SEC24D: variants seen among roughly 807,000 people sequenced by gnomAD.
SEC24D encodes the protein SEC24 homolog D, COPII component.
Under a neutral mutation model 116.9 loss-of-function variants are expected in SEC24D, and 69 were observed. The observed-to-expected ratio is 0.59, with a 90% CI of 0.49 to 0.72. SEC24D has a LOEUF of 0.72. Among genes scored for constraint, SEC24D ranks in the 30% least tolerant of loss-of-function variants. The probability of loss-of-function intolerance (pLI) is 0.00; values close to 1 mark genes in which losing one functional copy is unlikely to be tolerated. For synonymous variants in SEC24D, 405 were observed against 442.8 expected (o/e 0.91, Z 1.07); for missense variants, 1,131 against 1,264.1 (o/e 0.89, Z 1.60).
intron 8 of SEC24D, among the ~76,000 whole-genome samples, chr4:118,790,413 T>A (rs1438691930): frequency 3.3e-5 from 5 of 152,204 alleles, no homozygotes; most frequent in African/African-American, 1.2e-4. Flanking sequence ...TAATCTTCAA[T>A]CCTTTTGCAC....
chr4:118,760,147 T>C (rs1421538115), intron 10 of SEC24D, among the ~76,000 whole-genome samples: 1 of 152,206 alleles, frequency 6.6e-6, no homozygotes, highest in East Asian at 1.9e-4. Context: ...TCTCTCTTTT[T>C]CTATTATTTT....
chr4:118,802,252 G>A (rs1330255038), intron 7 of SEC24D, among the ~76,000 whole-genome samples: 2 of 152,162 alleles, frequency 1.3e-5, no homozygotes, highest in African/African-American at 4.8e-5. Flanking sequence ...ATAAGATCCT[G>A]GAGCCAAAGG....
At chr4:118,727,267 C>CT (rs1282463915) in intron 22 of SEC24D, among the ~76,000 whole-genome samples, 2 of 152,182 alleles carry the variant, frequency 1.3e-5, no homozygotes. Context: ...AAATCTGATT[C>CT]TTTAAGTATT....
intron 8 of SEC24D, chr4:118,769,967 C>G (rs1275682203): frequency 6.6e-6 from 1 of 152,162 alleles, no homozygotes; most frequent in African/African-American, 2.4e-5. Flanking sequence ...CAAAACCACT[C>G]AGCTCAGGAC....
intron 2 of SEC24D, among the ~76,000 whole-genome samples, chr4:118,830,923 G>A (rs971758579): frequency 5.9e-5 from 9 of 152,130 alleles, no homozygotes; most frequent in Admixed American, 1.3e-4. Context: ...AGAGTGACAG[G>A]AGAATGGAAA....
intron 10 of SEC24D, among the ~76,000 whole-genome samples, chr4:118,762,899 T>A (rs1727457650): frequency 6.6e-6 from 1 of 152,304 alleles, no homozygotes; most frequent in South Asian, 2.1e-4. Flanking sequence ...GAAACAGATT[T>A]GACTCTCTGC....
rs1165077788 is a variant in SEC24D, at chr4:118,723,503, G to A, written c.*12C>T. ...CCTTGGAAATGCAACATCAATGACAGAGAAGTTTCAATTAATTAAGCAGCT... is the reference window on the plus strand; with the variant it reads ...CCTTGGAAATGCAACATCAATGACAAAGAAGTTTCAATTAATTAAGCAGCT... On this transcript the variant is annotated 3_prime_UTR_variant, in exon 23 of 23. Coordinates refer to ENST00000280551, the MANE Select transcript of SEC24D (RefSeq NM_014822.4). The A allele has an allele frequency of 6.2e-7, 1 of 1,605,642 alleles. No homozygotes were observed.
chr4:118,728,003 T>C (rs1725495240), intron 22 of SEC24D, among the ~76,000 whole-genome samples: 1 of 152,086 alleles, frequency 6.6e-6, no homozygotes, highest in Non-Finnish European at 1.5e-5. Context: ...TCATCATCTA[T>C]ACATTCTAGA....
intron 14 of SEC24D, among the ~76,000 whole-genome samples, 175 bp from the exon 15 acceptor site, chr4:118,744,333 C>T (rs1214279266): frequency 1.3e-5 from 2 of 152,150 alleles, no homozygotes; most frequent in East Asian, 1.9e-4. Flanking sequence ...GCAGTGGCCA[C>T]CTGCTGAGCA....
intron 2 of SEC24D, among the ~76,000 whole-genome samples, chr4:118,831,874 A>G (rs1411583077): frequency 1.3e-5 from 2 of 152,200 alleles, no homozygotes; most frequent in Non-Finnish European, 2.9e-5. Flanking sequence ...CTTAAGAGTC[A>G]TGTAGAAGAA....
At chr4:118,751,248 G>C (rs1188017220) in intron 13 of SEC24D, among the ~76,000 whole-genome samples, 1 of 138,830 alleles carries the variant, frequency 7.2e-6, no homozygotes, top group Admixed American at 7.8e-5. Flanking sequence ...GCACCATCTT[G>C]GCTCACCACA....
At chr4:118,761,835 T>A (rs977245230) in intron 10 of SEC24D, among the ~76,000 whole-genome samples, 2 of 152,216 alleles carry the variant, frequency 1.3e-5, no homozygotes, top group South Asian at 2.1e-4. Context: ...AGCTCAAATG[T>A]CACTTCCTCT....
At chr4:118,820,925 C>T (rs1470282738) in intron 3 of SEC24D, among the ~76,000 whole-genome samples, 1 of 152,032 alleles carries the variant, frequency 6.6e-6, no homozygotes, top group Non-Finnish European at 1.5e-5. Flanking sequence ...AAAATTTAGC[C>T]TCAATTTAAT....
At chr4:118,792,201 G>A (rs1484936789) in intron 8 of SEC24D, among the ~76,000 whole-genome samples, 1 of 150,608 alleles carries the variant, frequency 6.6e-6, no homozygotes, top group Non-Finnish European at 1.5e-5. Context: ...GGTGAGGAGC[G>A]TCTCTGACCG....
At chr4:118,825,815 C>T (rs2110536890) in intron 2 of SEC24D, among the ~76,000 whole-genome samples, 1 of 152,314 alleles carries the variant, frequency 6.6e-6, no homozygotes, top group East Asian at 1.9e-4. Context: ...TAGCTGCCTG[C>T]TGTGCACTCC....
In SEC24D at chr4:118,836,090, C is replaced by T. The variant is rs1731086392; in HGVS notation, c.-191G>A. On this transcript the variant is annotated 5_prime_UTR_variant, in exon 1 of 23. Coordinates refer to ENST00000280551, the MANE Select transcript of SEC24D (RefSeq NM_014822.4). The stretch of plus-strand genomic sequence containing the variant: ...CGTCCCCTTAGCCTGGACTCACGCT[C>T]GGAGTTGCAGCTGGGCTGGGAACTG... 1.3e-5 allele frequency: 2 copies of T among 152,144 alleles called. No homozygotes were observed. Among genetic ancestry groups the T allele is most frequent in the South Asian group, 2.1e-4 (1 of 4,830 alleles). 9.4% of individuals were successfully genotyped at this position (152,144 alleles called of 1,614,324 possible).
chr4:118,822,528 T>G (rs1730440857), intron 3 of SEC24D, among the ~76,000 whole-genome samples: 1 of 152,154 alleles, frequency 6.6e-6, no homozygotes, highest in South Asian at 2.1e-4. Flanking sequence ...ATCTTTGCAC[T>G]TCTTTCTTTT....
intron 19 of SEC24D, among the ~76,000 whole-genome samples, chr4:118,733,895 C>T (rs2110433287): frequency 6.6e-6 from 1 of 151,922 alleles, no homozygotes; most frequent in African/African-American, 2.4e-5. Context: ...CTCACATGAC[C>T]TCATTCTAAC....
intron 8 of SEC24D, among the ~76,000 whole-genome samples, chr4:118,790,904 A>G (rs942445152): frequency 8.0e-5 from 12 of 149,260 alleles, no homozygotes; most frequent in Non-Finnish European, 1.6e-4. Flanking sequence ...TAAGCAAACA[A>G]AACATAAAAT....
Sources: gnomAD v4.1 joint callset for allele counts (sites outside exome capture counted in the v4.1 genomes callset) on GRCh38, gnomAD v4.1.1 for gene constraint, MANE v1.5 for transcripts, NCBI Gene and HGNC (gene_info 2026-07-23, HGNC 2026-07-21) for gene names.